The following CDH4 variants were observed in gnomAD, a reference collection of about 807,000 sequenced individuals.
The protein encoded by CDH4 is cadherin 4, also known as cadherin-4.
CDH4 carries 33 observed loss-of-function variants against 86.0 expected under a neutral mutation model. The ratio of observed to expected loss-of-function variants is 0.38; its 90% confidence interval spans 0.29 to 0.51. The LOEUF is 0.51. Ranked by LOEUF, CDH4 falls within the 20% of genes least tolerant of loss-of-function variation. CDH4 has a pLI of 0.86. For missense variants in CDH4, 1,114 were observed against 1,307.4 expected, an observed-to-expected ratio of 0.85 and a Z score of 2.28; for synonymous variants, 555 against 549.4, an observed-to-expected ratio of 1.01 and a Z score of -0.14.
At chr20:61,578,679 T>C (rs1346089543) in intron 2 of CDH4, among the ~76,000 whole-genome samples, 1 of 152,150 alleles carries the variant, frequency 6.6e-6, no homozygotes, top group Non-Finnish European at 1.5e-5. Flanking sequence ...ATCTCAGCCT[T>C]GCACTTGCTG....
At chr20:61,378,216 C>G (rs2084882485) in intron 2 of CDH4, among the ~76,000 whole-genome samples, 1 of 152,188 alleles carries the variant, frequency 6.6e-6, no homozygotes, top group Non-Finnish European at 1.5e-5. Context: ...ATCATTGCCA[C>G]TGCACGGCAG....
intron 2 of CDH4, among the ~76,000 whole-genome samples, chr20:61,702,383 A>G (rs1024297629): frequency 6.6e-6 from 1 of 152,170 alleles, no homozygotes; most frequent in Non-Finnish European, 1.5e-5. Context: ...GAGCCACGTA[A>G]TGGGTCCCTC....
At chr20:61,889,617 TGATG>T (rs1253627778) in intron 7 of CDH4, among the ~76,000 whole-genome samples, 37 of 11,468 alleles carry the variant, frequency 3.2e-3, no homozygotes, top group Admixed American at 6.0e-3. Flanking sequence ...GGTGGATAGA[TGATG>T]GATGGATGGA....
At chr20:61,274,334 G>T (rs1383849577) in intron 2 of CDH4, among the ~76,000 whole-genome samples, 19 of 84,770 alleles carry the variant, frequency 2.2e-4, no homozygotes, top group East Asian at 4.3e-4. Flanking sequence ...GAGTACCATG[G>T]GCAGTTTGGG....
At chr20:61,705,686 C>T (rs1204606291) in intron 2 of CDH4, among the ~76,000 whole-genome samples, 4 of 152,202 alleles carry the variant, frequency 2.6e-5, no homozygotes, top group Non-Finnish European at 5.9e-5. Flanking sequence ...CTGGAGGCCC[C>T]CTCACCCAAG....
At chr20:61,842,166 C>G (rs939921165) in intron 4 of CDH4, among the ~76,000 whole-genome samples, 9 of 152,212 alleles carry the variant, frequency 5.9e-5, no homozygotes, top group Non-Finnish European at 4.4e-5. Flanking sequence ...TGTCATCGTG[C>G]TGCAGAGATG....
intron 2 of CDH4, among the ~76,000 whole-genome samples, chr20:61,346,330 A>AGGGATCAGCCAGGCCAGCCATGGG (rs1336935659): frequency 1.3e-5 from 2 of 152,186 alleles, no homozygotes; most frequent in Non-Finnish European, 1.5e-5. Context: ...GGAGGGAGGC[A>AGGGATCAGCCAGGCCAGCCATGGG]GGGATCAGCC....
Position 61,759,875 on chromosome 20 carries a change from C to T in CDH4, c.397-13128C>T, listed in dbSNP as rs145609125. Among the ~76,000 whole-genome samples, 335 of 152,156 alleles carry T rather than the reference C, an allele frequency of 2.2e-3. 4 individuals carry two copies. Among genetic ancestry groups the T allele is most frequent in the African/African-American group, 7.2e-3 (297 of 41,524 alleles). ...GCTCAGCATCCTACAGAACCCAGGA[C>T]GCCCCAAACAAAGAAGGATTCAGCC... On this transcript the variant is annotated intron_variant, in intron 3 of 15. Transcript: ENST00000614565.
chr20:61,874,893 G>C lies in CDH4; in HGVS notation c.1050+993G>C, dbSNP rs527547593. On this transcript the variant is annotated intron_variant, in intron 7 of 15. Transcript: ENST00000614565. ...GCCCGCGGGAGGCTTGTTTCCAGAGGCCACAGCGCCACTTTCTGGCAGCTC... is the reference window on the plus strand; with the variant it reads ...GCCCGCGGGAGGCTTGTTTCCAGAGCCCACAGCGCCACTTTCTGGCAGCTC... 7.2e-5 allele frequency among the ~76,000 whole-genome samples: 11 copies of C among 152,306 alleles called. No homozygotes were observed. The East Asian group carries it at 2.1e-3, about 29-fold the overall frequency.
chr20:61,482,991 A>G (rs2085576406), intron 2 of CDH4, among the ~76,000 whole-genome samples: 1 of 152,164 alleles, frequency 6.6e-6, no homozygotes. Flanking sequence ...TTTGATACCA[A>G]TGGGTCAGCC....
At chr20:61,904,504 C>T (rs865889462) in intron 8 of CDH4, among the ~76,000 whole-genome samples, 7 of 151,726 alleles carry the variant, frequency 4.6e-5, no homozygotes, top group Middle Eastern at 6.8e-3. Context: ...TTGTCTGCAC[C>T]GTGTCCCCCT....
At chr20:61,739,774 C>T (rs919861081) in intron 2 of CDH4, among the ~76,000 whole-genome samples, 1 of 152,222 alleles carries the variant, frequency 6.6e-6, no homozygotes, top group Non-Finnish European at 1.5e-5. Context: ...GACAGCAGGC[C>T]GCTCCCGGCC....
chr20:61,466,080 G>T (rs1260041879), intron 2 of CDH4, among the ~76,000 whole-genome samples: 1 of 152,134 alleles, frequency 6.6e-6, no homozygotes, highest in Non-Finnish European at 1.5e-5. Context: ...TGCATAGAAT[G>T]TGTTCCTGTG....
intron 2 of CDH4, among the ~76,000 whole-genome samples, chr20:61,280,345 G>T (rs1177306467): frequency 6.6e-6 from 1 of 152,232 alleles, no homozygotes; most frequent in Non-Finnish European, 1.5e-5. Flanking sequence ...GTTAGAGCCA[G>T]AAGCCACCCA....
chr20:61,569,275 T>A (rs1183085580), intron 2 of CDH4, among the ~76,000 whole-genome samples: 9 of 152,226 alleles, frequency 5.9e-5, no homozygotes, highest in Non-Finnish European at 8.8e-5. Flanking sequence ...AAGTGCTCAA[T>A]TAATGCTAGC....
At chr20:61,406,706 C>G (rs2085085722) in intron 2 of CDH4, among the ~76,000 whole-genome samples, 1 of 143,558 alleles carries the variant, frequency 7.0e-6, no homozygotes, top group African/African-American at 2.6e-5. Context: ...GCCATCTGCT[C>G]TGCCTGGACC....
chr20:61,743,513 G>T, intron 2 of CDH4, 50 bp from the exon 3 acceptor site: 2 of 1,435,350 alleles, frequency 1.4e-6, no homozygotes, highest in East Asian at 2.5e-5. Context: ...CATTGTTACC[G>T]CCCTTCTGCT....
At chr20:61,565,233 G>GTGGTGCTCTTGGTGGTGGTGGTGCTCT (rs1555809114) in intron 2 of CDH4, among the ~76,000 whole-genome samples, 1 of 46,764 alleles carries the variant, frequency 2.1e-5, no homozygotes. Context: ...GGTGGTGGTG[G>GTGGTGCTCTTGGTGGTGGTGGTGCTCT]TGGTGGTGGC....
rs139208737 is a variant in CDH4, at chr20:61,541,346, G to A, written c.170-202217G>A. On this transcript the variant is annotated intron_variant, in intron 2 of 15. Coordinates refer to ENST00000614565, the MANE Select transcript of CDH4 (RefSeq NM_001794.5). ...AGCTCCTCCTGGGATTCACCACGAC[G>A]GTTTTAGCCTGGTGGTCGGCACCCT... is the stretch of plus-strand genomic sequence containing the variant. Among the ~76,000 whole-genome samples, 471 of 152,336 alleles carry A rather than the reference G, an allele frequency of 3.1e-3. 2 individuals carry two copies. The highest frequency in any genetic ancestry group is 0.011 in the African/African-American group (445 of 41,570).
Sources: gnomAD v4.1 joint callset for allele counts (sites outside exome capture counted in the v4.1 genomes callset) on GRCh38, gnomAD v4.1.1 for gene constraint, MANE v1.5 for transcripts, NCBI Gene and HGNC (gene_info 2026-07-23, HGNC 2026-07-21) for gene names.